Variants in ARHGAP26 observed in about 807,000 individuals in gnomAD.
The protein encoded by ARHGAP26 is Rho GTPase activating protein 26.
Under a neutral mutation model 104.8 loss-of-function variants are expected in ARHGAP26, and 38 were observed. The ratio of observed to expected loss-of-function variants is 0.36; its 90% CI spans 0.28 to 0.48. The LOEUF (loss-of-function observed/expected upper bound fraction) is 0.48, where lower values mean the gene tolerates loss of function less well. Among genes scored for constraint, ARHGAP26 ranks in the 20% least tolerant of loss-of-function variants. The pLI, the probability that ARHGAP26 is intolerant of heterozygous loss-of-function variation, is 0.99. For missense variants in ARHGAP26, 704 were observed against 947.9 expected (o/e 0.74, Z 3.38); for synonymous variants, 341 against 340.0 (o/e 1.00, Z -0.03).
chr5:143,119,909 G>GT (rs1795943013), intron 17 of ARHGAP26, among the ~76,000 whole-genome samples: 1 of 151,882 alleles, frequency 6.6e-6, no homozygotes, highest in Non-Finnish European at 1.5e-5. Flanking sequence ...AAAAAAAGTG[G>GT]ACCAGAGAAA....
chr5:142,904,676 T>G (rs1760866647), intron 8 of ARHGAP26, among the ~76,000 whole-genome samples: 1 of 152,214 alleles, frequency 6.6e-6, no homozygotes, highest in South Asian at 2.1e-4. Context: ...CCGTGCCGTT[T>G]AGGATAGCAC....
intron 1 of ARHGAP26, among the ~76,000 whole-genome samples, chr5:142,843,100 T>C (rs1054852452): frequency 2.0e-5 from 3 of 152,214 alleles, no homozygotes; most frequent in African/African-American, 7.2e-5. Context: ...TTTTCTGGGT[T>C]GCTTTCTATG....
At chr5:142,884,451 TAAAGA>T (rs1179320380) in intron 4 of ARHGAP26, among the ~76,000 whole-genome samples, 1 of 152,206 alleles carries the variant, frequency 6.6e-6, no homozygotes, top group Non-Finnish European at 1.5e-5. Flanking sequence ...AATAATTTCT[TAAAGA>T]GAAGAGAAAA....
At chr5:142,910,051 C>T (rs531739291) in intron 9 of ARHGAP26, among the ~76,000 whole-genome samples, 1 of 152,270 alleles carries the variant, frequency 6.6e-6, no homozygotes, top group East Asian at 1.9e-4. Context: ...TTTTTTGGAA[C>T]AAATCCTGAC....
intron 17 of ARHGAP26, among the ~76,000 whole-genome samples, chr5:143,068,301 A>G (rs370592703): frequency 6.6e-6 from 1 of 152,228 alleles, no homozygotes; most frequent in Admixed American, 6.5e-5. Context: ...GCATCCTACT[A>G]CATTTCTCTA....
At chr5:143,146,939 T>G (rs1225705470) in intron 19 of ARHGAP26, among the ~76,000 whole-genome samples, 2 of 152,208 alleles carry the variant, frequency 1.3e-5, no homozygotes, top group Admixed American at 6.5e-5. Context: ...AAGATGCAAT[T>G]TATGGTGCCA....
chr5:143,187,630 T>A (rs548345703), intron 20 of ARHGAP26, among the ~76,000 whole-genome samples: 2 of 152,242 alleles, frequency 1.3e-5, no homozygotes, highest in African/African-American at 4.8e-5. Flanking sequence ...AAAGCCCAGT[T>A]TCCCGACGTC....
rs575388656 is a variant in ARHGAP26 at position 143,061,962 on chromosome 5, G to A, written c.1538+4215G>A. ...ATCTCATTGGTCCAGAGCAGTCATT[G>A]AGGACCACCATGATTATTTTCCACC... On this transcript the variant is annotated intron_variant, in intron 17 of 22. Coordinates refer to ENST00000645722, the MANE Select transcript of ARHGAP26 (RefSeq NM_001135608.3). Among the ~76,000 whole-genome samples the A allele has an allele frequency of 1.4e-4, 21 of 152,288 alleles. 1 individual carries two copies. In the South Asian group the frequency reaches 4.4e-3, roughly 32 times the overall value.
At chr5:143,178,808 A>T (rs964468846) in intron 20 of ARHGAP26, among the ~76,000 whole-genome samples, 1 of 152,160 alleles carries the variant, frequency 6.6e-6, no homozygotes, top group African/African-American at 2.4e-5. Context: ...CCCAGCTTGT[A>T]AGTGGTTGAC....
rs1245762820 is a variant in ARHGAP26, at chr5:142,781,194, G to A, written c.154+10279G>A. Among the ~76,000 whole-genome samples the A allele has an allele frequency of 2.0e-5, 3 of 152,156 alleles. No homozygotes were observed. The East Asian group carries it at 5.8e-4, about 29-fold the overall frequency. On this transcript the variant is annotated intron_variant, in intron 1 of 22. Transcript: ENST00000645722. ...AACTGAAGGCTTATCGAGCCCAAGG[G>A]GGCAGTGTGGTCACTAATGATCAGT... is the stretch of plus-strand genomic sequence containing the variant.
In ARHGAP26 at chr5:143,221,450, G is replaced by A. The variant is rs1370985; in HGVS notation, c.2192-908G>A. ...AAAAAAAAAAAAAAAAAAAACCCCA[G>A]AAAATTTGCAAGGAAATTAGAAGCA... On this transcript the variant is annotated intron_variant, in intron 22 of 22. Transcript: ENST00000645722. Among the ~76,000 whole-genome samples the A allele has an allele frequency of 3.5e-3, 472 of 136,670 alleles. 7 individuals are homozygous for A. In the East Asian group the frequency reaches 0.055, roughly 16 times the overall value. The allele number at this position is 136,670 out of a possible 152,430, so 89.7% of individuals were successfully genotyped here. A position where few individuals can be genotyped will look rare whatever the true frequency, so the allele number is the denominator to read the frequency against.
rs561248915 is a variant in ARHGAP26 at position 143,178,662 on chromosome 5, G to A, written c.1989-28536G>A. On this transcript the variant is annotated intron_variant, in intron 20 of 22. Transcript: ENST00000645722. ...TAACAACAGCTGCTGCTGCCCATGG[G>A]GGCTCCCTTGGTGCCAGACACTGAG... 4.6e-5 allele frequency among the ~76,000 whole-genome samples: 7 copies of A among 152,294 alleles called. No homozygotes were observed. In the East Asian group the frequency reaches 1.3e-3, roughly 29 times the overall value.
chr5:143,021,846 C>T (rs922868104), intron 12 of ARHGAP26, among the ~76,000 whole-genome samples: 1 of 152,178 alleles, frequency 6.6e-6, no homozygotes, highest in African/African-American at 2.4e-5. Flanking sequence ...GGTAACACTG[C>T]TCTTGAAGGG....
chr5:142,819,462 A>G (rs915177200), intron 1 of ARHGAP26, among the ~76,000 whole-genome samples: 1 of 152,200 alleles, frequency 6.6e-6, no homozygotes, highest in African/African-American at 2.4e-5. Flanking sequence ...CTCTCCTCCC[A>G]TAGCCTGCTC....
intron 21 of ARHGAP26, among the ~76,000 whole-genome samples, chr5:143,210,575 C>T (rs1049475724): frequency 1.3e-5 from 2 of 152,164 alleles, no homozygotes; most frequent in Non-Finnish European, 2.9e-5. Flanking sequence ...TTTCCCTTTT[C>T]TTTCACTTGC....
chr5:143,054,304 G>GT (rs1425965242), intron 14 of ARHGAP26, 135 bp from the exon 15 acceptor site: 2 of 567,316 alleles, frequency 3.5e-6, no homozygotes, highest in African/African-American at 1.9e-5. Flanking sequence ...AATTTAATAG[G>GT]TAAAAAAAAT....
intron 20 of ARHGAP26, among the ~76,000 whole-genome samples, chr5:143,195,516 G>A (rs940590545): frequency 5.3e-5 from 8 of 152,178 alleles, no homozygotes; most frequent in African/African-American, 1.9e-4. Flanking sequence ...AACATGTTGT[G>A]CAGCTTACTC....
At chr5:143,141,471 T>C (rs569697778) in intron 19 of ARHGAP26, among the ~76,000 whole-genome samples, 83 of 152,360 alleles carry the variant, frequency 5.4e-4, no homozygotes, top group African/African-American at 1.9e-3. Flanking sequence ...TGTGTGCAGA[T>C]GCAAATGCTT....
intron 12 of ARHGAP26, among the ~76,000 whole-genome samples, chr5:143,018,673 C>T (rs564357774): frequency 6.6e-6 from 1 of 152,250 alleles, no homozygotes; most frequent in Admixed American, 6.5e-5. Flanking sequence ...GTCTCTGAGC[C>T]CTTTATTCAG....
Sources: allele counts gnomAD v4.1 joint callset (sites outside exome capture counted in the v4.1 genomes callset), GRCh38; gene constraint gnomAD v4.1.1; transcripts MANE v1.5; gene names NCBI Gene and HGNC (gene_info 2026-07-23, HGNC 2026-07-21).